The following CACNA1E variants were observed in gnomAD, a reference collection of about 807,000 sequenced individuals.
The protein encoded by CACNA1E is calcium voltage-gated channel subunit alpha1 E.
CACNA1E carries 40 observed loss-of-function variants against 259.2 expected under a neutral mutation model. The ratio of observed to expected loss-of-function variants is 0.15; its 90% CI spans 0.12 to 0.20. The LOEUF is 0.20. CACNA1E is among the 10% of genes least tolerant of loss of function. The pLI is 1.00. For missense variants in CACNA1E, 1,874 were observed against 3,040.1 expected (o/e 0.62, Z 9.02); for synonymous variants, 1,104 against 1,138.5 (o/e 0.97, Z 0.61).
At chr1:181,428,860 G>A (rs906512507) in intron 2 of CACNA1E, among the ~76,000 whole-genome samples, 1 of 152,172 alleles carries the variant, frequency 6.6e-6, no homozygotes, top group African/African-American at 2.4e-5. Flanking sequence ...TGCATGGCCA[G>A]GCTCACATAG....
In CACNA1E at chr1:181,708,399, C is replaced by T. The variant is rs146092120; in HGVS notation, c.1056-2555C>T. Among the ~76,000 whole-genome samples, 14 of 152,242 alleles carry T rather than the reference C, an allele frequency of 9.2e-5. No individual in the cohort carries two copies. In the East Asian group the frequency reaches 2.5e-3, roughly 27 times the overall value. On this transcript the variant is annotated intron_variant, in intron 7 of 47. Coordinates refer to ENST00000367573, the MANE Select transcript of CACNA1E (RefSeq NM_001205293.3). ...GGACACTTGCCCTCTCAAAGGGCCA[C>T]TTAAGTCACTTTAGATTCAGTTTTC... is the stretch of plus-strand genomic sequence containing the variant.
chr1:181,660,904 T>C (rs1647599365), intron 7 of CACNA1E, among the ~76,000 whole-genome samples: 2 of 152,210 alleles, frequency 1.3e-5, no homozygotes, highest in South Asian at 4.1e-4. Context: ...GTACTTGTTG[T>C]ATGTGACTCA....
chr1:181,618,861 T>A (rs1655463515), intron 6 of CACNA1E, among the ~76,000 whole-genome samples: 1 of 152,234 alleles, frequency 6.6e-6, no homozygotes, highest in Non-Finnish European at 1.5e-5. Flanking sequence ...AATTCATTTA[T>A]GTTACACTTT....
Position 181,798,516 on chromosome 1 carries a change from C to A in CACNA1E, c.6624C>A (p.Thr2208=). ...TGGAGAGCAACAATGCTTGCCTGAC[C>A]GAGTCTTCCAACTCTCCGCACCCCC... The part of the protein sequence containing the change: ...QALESNNACL[T]ESSNSPHPQQ... Residue 2208 remains threonine (T), a synonymous_variant, in exon 48 of 48, where the codon ACC becomes ACA. Coordinates refer to ENST00000367573, the MANE Select transcript of CACNA1E (RefSeq NM_001205293.3). This position sits in a 1 kb window ranked among gnomAD's most constrained non-coding sequence, Gnocchi z 4.2. 1 of 1,613,898 alleles carries A rather than the reference C, an allele frequency of 6.2e-7. No individual in the cohort carries two copies. The highest frequency in any genetic ancestry group is 8.5e-7 in the Non-Finnish European group (1 of 1,179,898).
intron 6 of CACNA1E, among the ~76,000 whole-genome samples, chr1:181,614,524 T>C (rs991877237): frequency 2.0e-5 from 3 of 152,226 alleles, no homozygotes; most frequent in African/African-American, 7.2e-5. Flanking sequence ...GAGATGATTA[T>C]TGTCACATGG....
intron 2 of CACNA1E, among the ~76,000 whole-genome samples, chr1:181,451,471 A>G (rs760514991): frequency 3.3e-5 from 5 of 152,170 alleles, no homozygotes; most frequent in African/African-American, 4.8e-5. Flanking sequence ...GGATCACCTA[A>G]GGTCAGGAGT....
chr1:181,361,300 G>A (rs185864401), intron 1 of CACNA1E, among the ~76,000 whole-genome samples: 80 of 152,134 alleles, frequency 5.3e-4, no homozygotes, highest in African/African-American at 1.7e-3. Context: ...AGGAGCATAG[G>A]GAAATATGGA....
intron 25 of CACNA1E, among the ~76,000 whole-genome samples, chr1:181,748,336 G>T (rs1488461155): frequency 1.3e-5 from 2 of 152,154 alleles, no homozygotes. Flanking sequence ...GGTATATGTG[G>T]TAATACAATG....
intron 7 of CACNA1E, among the ~76,000 whole-genome samples, chr1:181,669,850 G>A (rs997854645): frequency 2.0e-5 from 3 of 152,198 alleles, no homozygotes; most frequent in Admixed American, 2.0e-4. Flanking sequence ...ACTCCAAGAA[G>A]TGTGCCACTC....
intron 30 of CACNA1E, among the ~76,000 whole-genome samples, chr1:181,757,423 C>G (rs1193667636): frequency 1.3e-5 from 2 of 152,222 alleles, no homozygotes; most frequent in Non-Finnish European, 2.9e-5. Flanking sequence ...CTGACTGTGA[C>G]CTTCCATGCC....
At chr1:181,779,257 G>A (rs1208603512) in intron 38 of CACNA1E, among the ~76,000 whole-genome samples, 2 of 152,220 alleles carry the variant, frequency 1.3e-5, no homozygotes, top group Admixed American at 6.5e-5. Context: ...AATTGCAGCA[G>A]TGCAGTTTGG....
At chr1:181,365,420 C>T (rs1654198027) in intron 1 of CACNA1E, among the ~76,000 whole-genome samples, 1 of 152,258 alleles carries the variant, frequency 6.6e-6, no homozygotes, top group African/African-American at 2.4e-5. Context: ...AATATTCCCG[C>T]CTTGACCTCC....
At chr1:181,424,802 G>A (rs973408828) in intron 2 of CACNA1E, among the ~76,000 whole-genome samples, 2 of 152,148 alleles carry the variant, frequency 1.3e-5, no homozygotes, top group African/African-American at 4.8e-5. Context: ...AGACTCTGCA[G>A]CCTGGTGCTC....
chr1:181,642,932 T>C (rs547515316), intron 6 of CACNA1E, among the ~76,000 whole-genome samples: 4 of 144,410 alleles, frequency 2.8e-5, no homozygotes, highest in East Asian at 1.9e-4. Flanking sequence ...AACAACACTT[T>C]GTTATTGCAT....
chr1:181,630,433 G>A (rs1425597472), intron 6 of CACNA1E, among the ~76,000 whole-genome samples: 4 of 150,798 alleles, frequency 2.7e-5, no homozygotes, highest in Non-Finnish European at 5.9e-5. Context: ...TCTTACTTTG[G>A]TTATTATTTA....
chr1:181,333,747 C>A (rs1651467846), intron 1 of CACNA1E, among the ~76,000 whole-genome samples: 2 of 152,128 alleles, frequency 1.3e-5, no homozygotes, highest in Admixed American at 1.3e-4. Context: ...CCTCTGCCTC[C>A]CAGGCTCAAG....
intron 7 of CACNA1E, among the ~76,000 whole-genome samples, chr1:181,690,428 C>A (rs1018219769): frequency 6.6e-6 from 1 of 152,094 alleles, no homozygotes; most frequent in Non-Finnish European, 1.5e-5. Context: ...TAGCTTTGTT[C>A]TTTTTGTTTA....
At chr1:181,642,991 C>T (rs1657935984) in intron 6 of CACNA1E, among the ~76,000 whole-genome samples, 1 of 152,010 alleles carries the variant, frequency 6.6e-6, no homozygotes, top group South Asian at 2.1e-4. Context: ...CTCATTTCTA[C>T]CCCCTCACTC....
chr1:181,562,145 T>C (rs1018318567), intron 3 of CACNA1E, among the ~76,000 whole-genome samples: 1 of 152,188 alleles, frequency 6.6e-6, no homozygotes, highest in Admixed American at 6.5e-5. Context: ...TTATAGATAA[T>C]GCTTCAATGA....
Sources: allele counts gnomAD v4.1 joint callset (sites outside exome capture counted in the v4.1 genomes callset), GRCh38; gene constraint gnomAD v4.1.1; non-coding constraint Gnocchi (gnomAD v3.1); transcripts MANE v1.5; gene names NCBI Gene and HGNC (gene_info 2026-07-23, HGNC 2026-07-21).